TTC28: variants seen among roughly 807,000 people sequenced by gnomAD.
TTC28 encodes tetratricopeptide repeat domain 28.
Under a neutral mutation model 198.0 loss-of-function variants are expected in TTC28, and 61 were observed. The ratio of observed to expected loss-of-function variants is 0.31; its 90% CI spans 0.25 to 0.38. The LOEUF is 0.38. TTC28 is among the 10% of genes least tolerant of loss of function. The pLI is 1.00. For synonymous variants in TTC28, 1,171 were observed against 1,297.8 expected, an observed-to-expected ratio of 0.90 and a Z score of 2.10; for missense variants, 2,678 against 3,164.0, an observed-to-expected ratio of 0.85 and a Z score of 3.69.
rs546447945 is a variant in TTC28 at position 28,524,515 on chromosome 22, C to T, written c.381+105037G>A. Among the ~76,000 whole-genome samples the T allele has an allele frequency of 8.0e-5, 12 of 150,602 alleles. No individual in the cohort carries two copies. The South Asian group carries it at 2.5e-3, about 32-fold the overall frequency. On this transcript the variant is annotated intron_variant, in intron 2 of 22. Coordinates refer to ENST00000397906, the MANE Select transcript of TTC28 (RefSeq NM_001145418.2). Reference sequence around the variant, plus strand: ...ATCCAGACAGGCACAATGGCTCATGCCTGTAATCCCAGCACTTTGGGAGGC... The same window carrying T: ...ATCCAGACAGGCACAATGGCTCATGTCTGTAATCCCAGCACTTTGGGAGGC...
At chr22:28,558,783 C>A (rs1198106275) in intron 2 of TTC28, among the ~76,000 whole-genome samples, 1 of 152,018 alleles carries the variant, frequency 6.6e-6, no homozygotes, top group Non-Finnish European at 1.5e-5. Flanking sequence ...GTAATCCCAG[C>A]ACTTTGGGAG....
chr22:28,512,958 C>G (rs2048712519), intron 2 of TTC28, among the ~76,000 whole-genome samples: 1 of 145,554 alleles, frequency 6.9e-6, no homozygotes, highest in Non-Finnish European at 1.5e-5. Context: ...AGAAAGTTAT[C>G]TTTTGAATAT....
intron 2 of TTC28, among the ~76,000 whole-genome samples, chr22:28,575,055 C>T (rs952918401): frequency 5.9e-5 from 9 of 152,104 alleles, no homozygotes; most frequent in Non-Finnish European, 1.0e-4. Context: ...TCCATTTTTA[C>T]TTTGATTGTC....
intron 2 of TTC28, among the ~76,000 whole-genome samples, chr22:28,320,074 C>G (rs2045420558): frequency 6.6e-6 from 1 of 152,090 alleles, no homozygotes; most frequent in Non-Finnish European, 1.5e-5. Flanking sequence ...ATCCACCATT[C>G]TCTCTGCTAC....
chr22:28,090,333 TA>T (rs1208389881), intron 12 of TTC28, among the ~76,000 whole-genome samples: 2 of 152,128 alleles, frequency 1.3e-5, no homozygotes, highest in African/African-American at 4.8e-5. Flanking sequence ...TTCTATATCC[TA>T]TTTTTTTCAC....
chr22:28,617,219 G>T (rs540783453), intron 2 of TTC28, among the ~76,000 whole-genome samples: 1 of 151,866 alleles, frequency 6.6e-6, no homozygotes, highest in South Asian at 2.1e-4. Context: ...AGGGATATGA[G>T]ACAGGTCTTG....
At chr22:28,267,838 A>T (rs1197300763) in intron 5 of TTC28, among the ~76,000 whole-genome samples, 1 of 152,224 alleles carries the variant, frequency 6.6e-6, no homozygotes, top group African/African-American at 2.4e-5. Context: ...TTATTTTTGT[A>T]GTCTCTCTAA....
rs202224243 is a variant in TTC28, at chr22:28,588,149, A to C, written c.381+41403T>G. 3.2e-3 allele frequency among the ~76,000 whole-genome samples: 481 copies of C among 151,540 alleles called. 3 individuals are homozygous for C. The highest frequency in any genetic ancestry group is 9.0e-3 in the African/African-American group (374 of 41,338). On this transcript the variant is annotated intron_variant, in intron 2 of 22. Coordinates refer to ENST00000397906, the MANE Select transcript of TTC28 (RefSeq NM_001145418.2). ...AGAGGGAGACTCCGTCTCAAAAAAAAAAACAAACAAACAAACAAACAAAAA... is the reference window on the plus strand; with the variant it reads ...AGAGGGAGACTCCGTCTCAAAAAAACAAACAAACAAACAAACAAACAAAAA...
At chr22:28,166,138 A>C (rs1354640625) in intron 5 of TTC28, among the ~76,000 whole-genome samples, 1 of 152,228 alleles carries the variant, frequency 6.6e-6, no homozygotes, top group African/African-American at 2.4e-5. Context: ...TCCTAAATAC[A>C]TATGCACCCA....
chr22:28,075,432 C>T (rs1941136557), intron 12 of TTC28, among the ~76,000 whole-genome samples: 1 of 152,024 alleles, frequency 6.6e-6, no homozygotes, highest in Admixed American at 6.5e-5. Context: ...AGTCACTTCA[C>T]AGATTAGGCT....
In TTC28 at chr22:28,663,726, G is replaced by A. The variant is rs1258043164; in HGVS notation, c.102+15896C>T. The stretch of plus-strand genomic sequence containing the variant: ...GCGGCAGCCAGGCTGGGGGAGGGGC[G>A]CCCGCCATTGCCCAGGCTTGCTTAG... On this transcript the variant is annotated intron_variant, in intron 1 of 22. Transcript: ENST00000397906. Among the ~76,000 whole-genome samples, 17 of 141,950 alleles carry A rather than the reference G, an allele frequency of 1.2e-4. No homozygotes were observed. The East Asian group carries it at 2.0e-3, about 17-fold the overall frequency. 93.1% of individuals were successfully genotyped at this position (141,950 alleles called of 152,430 possible).
intron 2 of TTC28, among the ~76,000 whole-genome samples, chr22:28,464,604 C>A (rs2047994011): frequency 6.6e-6 from 1 of 152,054 alleles, no homozygotes; most frequent in South Asian, 2.1e-4. Flanking sequence ...GTCTTCACTT[C>A]CTCACTTTGG....
chr22:28,247,697 T>C (rs1930208020), intron 5 of TTC28, among the ~76,000 whole-genome samples: 1 of 152,186 alleles, frequency 6.6e-6, no homozygotes, highest in Non-Finnish European at 1.5e-5. Context: ...AGAATGAGAA[T>C]ACTTTACCTT....
At chr22:28,431,976 T>TTAAAATAAAA (rs552214920) in intron 2 of TTC28, among the ~76,000 whole-genome samples, 23 of 149,634 alleles carry the variant, frequency 1.5e-4, no homozygotes, top group African/African-American at 3.7e-4. Flanking sequence ...AGACTCTGTC[T>TTAAAATAAAA]TAAAATAAAA....
At chr22:28,371,707 G>C (rs1211005229) in intron 2 of TTC28, among the ~76,000 whole-genome samples, 1 of 138,378 alleles carries the variant, frequency 7.2e-6, no homozygotes, top group Non-Finnish European at 1.5e-5. Flanking sequence ...TCAGCCTCCC[G>C]AATAGCTGGG....
intron 12 of TTC28, among the ~76,000 whole-genome samples, chr22:28,071,065 G>A (rs888023343): frequency 1.3e-5 from 2 of 152,020 alleles, no homozygotes; most frequent in African/African-American, 4.8e-5. Context: ...AATGAGTGCT[G>A]GACATCTGGG....
chr22:28,479,388 A>C (rs1304996502), intron 2 of TTC28, among the ~76,000 whole-genome samples: 2 of 152,326 alleles, frequency 1.3e-5, no homozygotes, highest in East Asian at 3.9e-4. Context: ...GGTGACTTCC[A>C]GTACTCTGCA....
intron 2 of TTC28, among the ~76,000 whole-genome samples, chr22:28,594,028 T>C (rs965873561): frequency 1.3e-5 from 2 of 151,972 alleles, no homozygotes; most frequent in Admixed American, 1.3e-4. Flanking sequence ...CAACTACTCA[T>C]GAAAGATACA....
chr22:28,268,665 T>C (rs1449998978), intron 5 of TTC28, among the ~76,000 whole-genome samples: 3 of 152,216 alleles, frequency 2.0e-5, no homozygotes, highest in South Asian at 2.1e-4. Flanking sequence ...TAATGGGAAA[T>C]GCAATGATCT....
Sources: allele counts gnomAD v4.1 joint callset (sites outside exome capture counted in the v4.1 genomes callset), GRCh38; gene constraint gnomAD v4.1.1; transcripts MANE v1.5; gene names NCBI Gene and HGNC (gene_info 2026-07-23, HGNC 2026-07-21).